SYN3: variants seen among roughly 807,000 people sequenced by gnomAD.
The protein encoded by SYN3 is synapsin-3.
A neutral mutation model predicts 65.8 loss-of-function variants in SYN3; 35 were observed. The observed-to-expected ratio is 0.53, with a 90% CI of 0.41 to 0.70. The LOEUF (loss-of-function observed/expected upper bound fraction) is 0.70, where lower values mean the gene tolerates loss of function less well. Among genes scored for constraint, SYN3 ranks in the 30% least tolerant of loss-of-function variants. SYN3 has a pLI of 0.00. For synonymous variants in SYN3, 270 were observed against 292.9 expected, an observed-to-expected ratio of 0.92 and a Z score of 0.80; for missense variants, 680 against 749.0, an observed-to-expected ratio of 0.91 and a Z score of 1.08.
At chr22:32,905,621 G>A (rs2049881136) in intron 4 of SYN3, among the ~76,000 whole-genome samples, 1 of 152,264 alleles carries the variant, frequency 6.6e-6, no homozygotes, top group Non-Finnish European at 1.5e-5. Flanking sequence ...GGTTAAAGAA[G>A]TGGAGCTTAG....
At chr22:32,772,255 TTTTC>T in intron 6 of SYN3, among the ~76,000 whole-genome samples, 1 of 140,902 alleles carries the variant, frequency 7.1e-6, no homozygotes, top group African/African-American at 2.7e-5. Context: ...TCTTCTTTCT[TTTTC>T]TTTTCTTTTT....
chr22:32,857,198 C>A, intron 6 of SYN3: 1 of 1,388,796 alleles, frequency 7.2e-7, no homozygotes, highest in Non-Finnish European at 1.0e-6. Context: ...AGGGATCATA[C>A]GGGTGTCCAA....
At position 32,580,312 on chromosome 22, in the gene SYN3, G is replaced by T. The variant is rs543688870; in HGVS notation, c.774+16362C>A. Among the ~76,000 whole-genome samples, 6 of 152,290 alleles carry T rather than the reference G, an allele frequency of 3.9e-5. No individual in the cohort carries two copies. In the East Asian group the frequency reaches 1.2e-3, roughly 29 times the overall value. ...CCTTATCCATGGTTTCACCTTCTGT[G>T]GTTTCAGTTACTTGCAGTCAACCAT... On this transcript the variant is annotated intron_variant, in intron 7 of 13. Coordinates refer to ENST00000358763, the MANE Select transcript of SYN3 (RefSeq NM_003490.4).
intron 4 of SYN3, among the ~76,000 whole-genome samples, chr22:32,873,109 C>A (rs2048894205): frequency 1.3e-5 from 2 of 152,116 alleles, no homozygotes; most frequent in African/African-American, 4.8e-5. Flanking sequence ...TGCCCCTGCA[C>A]CCGGCTAATT....
chr22:32,906,658 G>A (rs1402261703), intron 4 of SYN3, among the ~76,000 whole-genome samples: 2 of 150,472 alleles, frequency 1.3e-5, no homozygotes, highest in African/African-American at 4.9e-5. Context: ...CCCTCCCCTT[G>A]CCCCCCACCC....
chr22:32,857,072 T>C (rs1006665259), intron 6 of SYN3, among the ~76,000 whole-genome samples: 2 of 152,220 alleles, frequency 1.3e-5, no homozygotes, highest in African/African-American at 4.8e-5. Flanking sequence ...GATGGGCACT[T>C]AGGTTGATTT....
At chr22:32,617,920 A>C (rs368242613) in intron 6 of SYN3, among the ~76,000 whole-genome samples, 12 of 151,990 alleles carry the variant, frequency 7.9e-5, no homozygotes, top group African/African-American at 2.4e-4. Context: ...GACCTCTTCT[A>C]TCTGCCTTAG....
At chr22:32,641,134 C>G (rs2059891633) in intron 6 of SYN3, among the ~76,000 whole-genome samples, 1 of 152,210 alleles carries the variant, frequency 6.6e-6, no homozygotes, top group African/African-American at 2.4e-5. Context: ...CACCTCAATA[C>G]ATTGAGCACG....
At chr22:32,637,611 GTTTTCTTTTTTTCT>G (rs2059833901) in intron 6 of SYN3, among the ~76,000 whole-genome samples, 1 of 130,296 alleles carries the variant, frequency 7.7e-6, no homozygotes, top group South Asian at 2.9e-4. Flanking sequence ...CAACAGTTAG[GTTTTCTTTTTTTCT>G]TTTTCTTTTT....
chr22:32,674,998 C>T (rs2060420230), intron 6 of SYN3, among the ~76,000 whole-genome samples: 2 of 152,230 alleles, frequency 1.3e-5, no homozygotes. Flanking sequence ...CCTTGTCACA[C>T]ACCTCAGCTG....
At chr22:32,592,702 C>A (rs1275708498) in intron 7 of SYN3, among the ~76,000 whole-genome samples, 1 of 152,174 alleles carries the variant, frequency 6.6e-6, no homozygotes, top group Non-Finnish European at 1.5e-5. Context: ...AGCCTCAATT[C>A]TCCTAGGATG....
intron 6 of SYN3, among the ~76,000 whole-genome samples, chr22:32,798,054 T>C (rs2046471256): frequency 6.6e-6 from 1 of 152,236 alleles, no homozygotes; most frequent in African/African-American, 2.4e-5. Flanking sequence ...AAAGTTTTCA[T>C]GTGCTTTTTT....
At chr22:32,798,685 C>CTTTTTTTTT (rs751710119) in intron 6 of SYN3, among the ~76,000 whole-genome samples, 3 of 92,500 alleles carry the variant, frequency 3.2e-5, no homozygotes, top group Non-Finnish European at 4.0e-5. Context: ...CATCTTCATT[C>CTTTTTTTTT]TTTTTTTTTT....
intron 6 of SYN3, among the ~76,000 whole-genome samples, chr22:32,763,587 C>T (rs958647183): frequency 3.3e-5 from 5 of 152,218 alleles, no homozygotes; most frequent in African/African-American, 1.2e-4. Flanking sequence ...AGAGCCAGGA[C>T]TCAAATCCAG....
At chr22:32,913,802 G>A (rs1467764838) in intron 4 of SYN3, among the ~76,000 whole-genome samples, 2 of 152,222 alleles carry the variant, frequency 1.3e-5, no homozygotes, top group Admixed American at 1.3e-4. Context: ...GGCACAGTGG[G>A]CATCCTGTGG....
chr22:32,970,479 T>C (rs1030673833), intron 3 of SYN3, among the ~76,000 whole-genome samples: 3 of 148,082 alleles, frequency 2.0e-5, no homozygotes, highest in Non-Finnish European at 4.5e-5. Flanking sequence ...CCGTCTCTAT[T>C]TGGAAAAAAA....
chr22:32,797,114 C>A (rs1316112816), intron 6 of SYN3, among the ~76,000 whole-genome samples: 1 of 152,172 alleles, frequency 6.6e-6, no homozygotes, highest in East Asian at 1.9e-4. Flanking sequence ...CGCAGTGAGA[C>A]GACCGACCAG....
At chr22:32,946,200 C>A (rs941018327) in intron 3 of SYN3, among the ~76,000 whole-genome samples, 1 of 152,062 alleles carries the variant, frequency 6.6e-6, no homozygotes, top group African/African-American at 2.4e-5. Flanking sequence ...GGGTATATAC[C>A]CAAAGGACTA....
At chr22:32,877,569 T>C (rs548863404) in intron 4 of SYN3, among the ~76,000 whole-genome samples, 1 of 152,168 alleles carries the variant, frequency 6.6e-6, no homozygotes, top group African/African-American at 2.4e-5. Flanking sequence ...CCATGCCCAG[T>C]TGTGACAACA....
Sources: gnomAD v4.1 joint callset for allele counts (sites outside exome capture counted in the v4.1 genomes callset) on GRCh38, gnomAD v4.1.1 for gene constraint, MANE v1.5 for transcripts, NCBI Gene and HGNC (gene_info 2026-07-23, HGNC 2026-07-21) for gene names.